STOX1: variants seen among roughly 807,000 people sequenced by gnomAD.
STOX1 encodes storkhead box 1, also known as storkhead-box protein 1.
STOX1 carries 57 observed loss-of-function variants against 74.8 expected under a neutral mutation model. That is an observed-to-expected ratio of 0.76 (90% CI 0.62 to 0.95). The LOEUF is 0.95. STOX1 is among the 40% of genes least tolerant of loss of function. The pLI, the probability that STOX1 is intolerant of heterozygous loss-of-function variation, is 0.00. For synonymous variants in STOX1, 375 were observed against 401.3 expected (o/e 0.93, Z 0.78); for missense variants, 1,010 against 1,117.0 (o/e 0.90, Z 1.37).
At chr10:68,849,522 G>A (rs1181873851) in intron 1 of STOX1, among the ~76,000 whole-genome samples, 1 of 152,160 alleles carries the variant, frequency 6.6e-6, no homozygotes, top group Non-Finnish European at 1.5e-5. Flanking sequence ...CCATCTGAGA[G>A]AGGGAGTTTC....
chr10:68,850,452 A>G (rs963887747), intron 1 of STOX1, among the ~76,000 whole-genome samples: 1 of 152,232 alleles, frequency 6.6e-6, no homozygotes, highest in Non-Finnish European at 1.5e-5. Context: ...TGTAGAGCTC[A>G]TTGGTTACTT....
At chr10:68,872,691 GTT>G (rs1840565604) in intron 1 of STOX1, among the ~76,000 whole-genome samples, 1 of 152,094 alleles carries the variant, frequency 6.6e-6, no homozygotes, top group African/African-American at 2.4e-5. Context: ...ACAAATTCAT[GTT>G]TTATTATGAC....
intron 1 of STOX1, among the ~76,000 whole-genome samples, chr10:68,842,057 T>C (rs1022854842): frequency 2.6e-5 from 4 of 152,188 alleles, no homozygotes. Context: ...GTCCGGGCCA[T>C]CTGAAGAGTA....
intron 1 of STOX1, among the ~76,000 whole-genome samples, chr10:68,835,654 C>T (rs1370404178): frequency 6.6e-6 from 1 of 152,190 alleles, no homozygotes; most frequent in African/African-American, 2.4e-5. Context: ...CCGTGCCTGG[C>T]CTGTTTTTAA....
At chr10:68,846,083 A>T (rs1434046363) in intron 1 of STOX1, among the ~76,000 whole-genome samples, 1 of 150,332 alleles carries the variant, frequency 6.7e-6, no homozygotes, top group African/African-American at 2.4e-5. Flanking sequence ...ATTTCATGTT[A>T]ATTTTTGTAT....
chr10:68,853,983 C>A (rs1029500050), intron 1 of STOX1, among the ~76,000 whole-genome samples: 1 of 150,862 alleles, frequency 6.6e-6, no homozygotes, highest in South Asian at 2.1e-4. Flanking sequence ...CCGCGCCCAG[C>A]CTTTTTCTTT....
intron 3 of STOX1, among the ~76,000 whole-genome samples, chr10:68,889,288 G>GT (rs977592633): frequency 2.4e-4 from 37 of 152,108 alleles, no homozygotes; most frequent in African/African-American, 8.7e-4. Flanking sequence ...TAATTAAAAA[G>GT]TTTTTTTGAT....
At position 68,827,664 on chromosome 10, in the gene STOX1, T is replaced by C; in HGVS notation, c.41T>C (p.Leu14Pro). The change falls in exon 1 of 4, where the codon CTA becomes CCA. Residue 14 changes from leucine to proline, a missense_variant. Coordinates refer to ENST00000298596, the MANE Select transcript of STOX1 (RefSeq NM_152709.5). ...PVQLAPGSLA[L>P]VLCRLEAQKA... is the part of the protein sequence containing the mutation. ...CAGCTGGCGCCGGGCTCGCTGGCGC[T>C]AGTGCTGTGCCGGCTGGAGGCGCAG... 2 of 1,136,206 alleles carry C rather than the reference T, an allele frequency of 1.8e-6. No individual in the cohort carries two copies. Among genetic ancestry groups the C allele is most frequent in the East Asian group, 4.5e-5 (1 of 22,326 alleles). The allele number at this position is 1,136,206 out of a possible 1,614,324, so 70.4% of individuals were successfully genotyped here. A position where few individuals can be genotyped will look rare whatever the true frequency, so the allele number is the denominator to read the frequency against.
chr10:68,838,058 CTTTT>C (rs937726232), intron 1 of STOX1, among the ~76,000 whole-genome samples: 1 of 144,268 alleles, frequency 6.9e-6, no homozygotes, highest in South Asian at 2.2e-4. Context: ...CATTTCGTTT[CTTTT>C]TTTTTTTTCT....
At chr10:68,828,321 G>A in intron 1 of STOX1, 1 of 1,139,508 alleles carries the variant, frequency 8.8e-7, no homozygotes, top group African/African-American at 1.6e-5. Flanking sequence ...TGTGAGCGCG[G>A]AGCTCCGCGC....
intron 1 of STOX1, among the ~76,000 whole-genome samples, chr10:68,865,746 G>C (rs941991656): frequency 2.0e-5 from 3 of 152,156 alleles, no homozygotes; most frequent in Admixed American, 6.5e-5. Context: ...CTGAATTAAT[G>C]GCCCTTAAGT....
intron 1 of STOX1, among the ~76,000 whole-genome samples, chr10:68,869,522 T>G (rs899002532): frequency 6.6e-6 from 1 of 152,090 alleles, no homozygotes; most frequent in African/African-American, 2.4e-5. Flanking sequence ...AATGACAGGA[T>G]TTTGAAACGC....
In STOX1 at chr10:68,892,859, C is replaced by T; in HGVS notation, c.*123C>T. On this transcript the variant is annotated 3_prime_UTR_variant, in exon 4 of 4. Transcript: ENST00000298596. ...AAGGCAAGCATATCTATACTATTAA[C>T]CACATTACACATTTTGTTCTAATTA... 1 of 1,085,336 alleles carries T rather than the reference C, an allele frequency of 9.2e-7. No homozygotes were observed. Among genetic ancestry groups the T allele is most frequent in the East Asian group, 2.6e-5 (1 of 38,756 alleles). The allele number at this position is 1,085,336 out of a possible 1,614,324, so 67.2% of individuals were successfully genotyped here.
At position 68,852,648 on chromosome 10, in the gene STOX1, A is replaced by C. The variant is rs564769267; in HGVS notation, c.310+24715A>C. On this transcript the variant is annotated intron_variant, in intron 1 of 3. Coordinates refer to ENST00000298596, the MANE Select transcript of STOX1 (RefSeq NM_152709.5). ...GCCCAGGCTGTAGCGCAGTCTCACG[A>C]TCATAGCTCACTGCAGCCTCAGCTC... Among the ~76,000 whole-genome samples the C allele has an allele frequency of 2.0e-5, 3 of 150,782 alleles. No homozygotes were observed. In the East Asian group the frequency reaches 5.9e-4, roughly 30 times the overall value.
intron 1 of STOX1, among the ~76,000 whole-genome samples, chr10:68,843,720 G>A (rs974281188): frequency 1.3e-5 from 2 of 152,054 alleles, no homozygotes; most frequent in Non-Finnish European, 2.9e-5. Context: ...ATCACGCCCA[G>A]CTAATTTTTT....
At chr10:68,883,501 C>G (rs1236978511) in intron 2 of STOX1, among the ~76,000 whole-genome samples, 2 of 152,156 alleles carry the variant, frequency 1.3e-5, no homozygotes, top group Admixed American at 1.3e-4. Context: ...CAACCTCTGC[C>G]TCCAAGGGTT....
chr10:68,838,909 CAA>C (rs36040611), intron 1 of STOX1, among the ~76,000 whole-genome samples: 17 of 115,432 alleles, frequency 1.5e-4, no homozygotes, highest in Admixed American at 3.7e-4. Context: ...GACTCTGTCT[CAA>C]AAAAAAAAAA....
intron 3 of STOX1, among the ~76,000 whole-genome samples, chr10:68,889,425 G>A (rs922349288): frequency 3.3e-5 from 5 of 152,090 alleles, no homozygotes; most frequent in African/African-American, 1.2e-4. Context: ...TCCCAGTTGT[G>A]GGATTGCAGG....
At chr10:68,830,274 G>A (rs570302348) in intron 1 of STOX1, among the ~76,000 whole-genome samples, 107 of 152,210 alleles carry the variant, frequency 7.0e-4, no homozygotes, top group Non-Finnish European at 1.1e-3. Context: ...GACTTCCGCC[G>A]GCTCATCACC....
Sources: gnomAD v4.1 joint callset for allele counts (sites outside exome capture counted in the v4.1 genomes callset) on GRCh38, gnomAD v4.1.1 for gene constraint, MANE v1.5 for transcripts, NCBI Gene and HGNC (gene_info 2026-07-23, HGNC 2026-07-21) for gene names.